Variants in NECTIN3 observed in about 807,000 individuals in gnomAD.
NECTIN3 encodes the protein nectin cell adhesion molecule 3.
In NECTIN3, 8 loss-of-function variants were observed where a neutral mutation model predicts 49.4. The ratio of observed to expected loss-of-function variants is 0.16; its 90% CI spans 0.10 to 0.29. The LOEUF is 0.29. Ranked by LOEUF, NECTIN3 falls within the 10% of genes least tolerant of loss-of-function variation. The probability of loss-of-function intolerance (pLI) is 1.00; values close to 1 mark genes in which losing one functional copy is unlikely to be tolerated. For synonymous variants in NECTIN3, 277 were observed against 241.1 expected (o/e 1.15, Z -1.38); for missense variants, 581 against 654.6 (o/e 0.89, Z 1.23).
At chr3:111,117,230 A>G (rs1052262691) in intron 2 of NECTIN3, among the ~76,000 whole-genome samples, 2 of 152,132 alleles carry the variant, frequency 1.3e-5, no homozygotes, top group Non-Finnish European at 2.9e-5. Context: ...AGTCAAAGAA[A>G]AAGTACAAAA....
chr3:111,118,129 A>C (rs1025477658), intron 2 of NECTIN3, among the ~76,000 whole-genome samples: 2 of 151,534 alleles, frequency 1.3e-5, no homozygotes, highest in African/African-American at 4.8e-5. Flanking sequence ...AAAACATTTC[A>C]TCTCCAATAG....
intron 1 of NECTIN3, among the ~76,000 whole-genome samples, chr3:111,090,012 C>A (rs1196641295): frequency 6.6e-6 from 1 of 152,140 alleles, no homozygotes; most frequent in African/African-American, 2.4e-5. Context: ...GTATCTCTAG[C>A]ATTACTTCTT....
At chr3:111,142,396 TAAAG>T (rs2034769154), downstream of NECTIN3, among the ~76,000 whole-genome samples, 4 of 151,850 alleles carry the variant, frequency 2.6e-5, no homozygotes, top group South Asian at 8.3e-4. Context: ...ATACATATGA[TAAAG>T]AATGACTGGA....
At chr3:111,072,677 A>G (rs1288310717) in intron 1 of NECTIN3, 2 of 1,159,240 alleles carry the variant, frequency 1.7e-6, no homozygotes, top group African/African-American at 3.1e-5. Flanking sequence ...ACCCAGCCGC[A>G]GAATCCCCTA....
chr3:111,114,702 T>A (rs991139235), intron 2 of NECTIN3, among the ~76,000 whole-genome samples: 5 of 152,072 alleles, frequency 3.3e-5, no homozygotes, highest in Non-Finnish European at 1.5e-5. Flanking sequence ...TATTCTAGGA[T>A]TGTGATAGTA....
intron 7 of NECTIN3, among the ~76,000 whole-genome samples, chr3:111,182,633 A>G (rs1345084026): frequency 1.3e-5 from 2 of 151,804 alleles, no homozygotes; most frequent in Non-Finnish European, 2.9e-5. Context: ...TGATATTACT[A>G]TAGCTACTCT....
At chr3:111,092,004 G>A (rs2032298699) in intron 1 of NECTIN3, among the ~76,000 whole-genome samples, 1 of 152,196 alleles carries the variant, frequency 6.6e-6, no homozygotes, top group Admixed American at 6.5e-5. Context: ...ATGAGGTGGT[G>A]TATGGTTGTT....
At chr3:111,098,592 C>G (rs2032724966) in intron 1 of NECTIN3, among the ~76,000 whole-genome samples, 1 of 152,146 alleles carries the variant, frequency 6.6e-6, no homozygotes, top group African/African-American at 2.4e-5. Context: ...TGGGATCTAC[C>G]TGGATAATCC....
intron 5 of NECTIN3, among the ~76,000 whole-genome samples, chr3:111,129,401 T>A (rs1487437696): frequency 6.6e-6 from 1 of 152,142 alleles, no homozygotes; most frequent in Non-Finnish European, 1.5e-5. Flanking sequence ...AGAACGTAAG[T>A]CTAAACATAA....
intron 6 of NECTIN3, among the ~76,000 whole-genome samples, chr3:111,145,980 C>T (rs766098914): frequency 7.4e-4 from 112 of 152,142 alleles, no homozygotes; most frequent in Non-Finnish European, 1.5e-3. Flanking sequence ...TACTTTATCT[C>T]AATGAGCCTC....
chr3:111,110,170 A>G (rs1381337340), intron 1 of NECTIN3, among the ~76,000 whole-genome samples: 4 of 151,732 alleles, frequency 2.6e-5, no homozygotes, highest in Non-Finnish European at 5.9e-5. Flanking sequence ...TTTCCTTCCT[A>G]ATATTTATCC....
In NECTIN3 at chr3:111,098,354, C is replaced by T. The variant is rs369011101; in HGVS notation, c.161-13676C>T. On this transcript the variant is annotated intron_variant, in intron 1 of 5. Transcript: ENST00000485303. ...AATATATTCTCACACAGTTCTGGAG[C>T]GCAGAAGTCTGTAATTTGTGCTGTG... Among the ~76,000 whole-genome samples, 80 of 152,310 alleles carry T rather than the reference C, an allele frequency of 5.3e-4. 1 individual carries two copies. The East Asian group carries it at 7.1e-3, about 14-fold the overall frequency.
Position 111,126,320 on chromosome 3 carries a change from G to C in NECTIN3, c.1054G>C (p.Val352Leu), listed in dbSNP as rs556409171. 6.2e-7 allele frequency: 1 copy of C among 1,605,052 alleles called. No individual in the cohort carries two copies. The highest frequency in any genetic ancestry group is 1.3e-5 in the African/African-American group (1 of 74,574). The change falls in exon 5 of 6, where the codon GTC becomes CTC. Residue 352 changes from valine (V) to leucine (L), a missense_variant. Coordinates refer to ENST00000485303, the MANE Select transcript of NECTIN3 (RefSeq NM_015480.3). The stretch of plus-strand genomic sequence containing the variant: ...CCTTGGTCAAAGAAGTGACCAAAAA[G>C]TCATCTACATTTCAGGTAAGTTACT... ...NSLGQRSDQK[V>L]IYISDPPTTT...
chr3:111,179,378 G>A (rs1459053802), intron 7 of NECTIN3, among the ~76,000 whole-genome samples: 2 of 152,160 alleles, frequency 1.3e-5, no homozygotes, highest in Non-Finnish European at 1.5e-5. Flanking sequence ...AGATATCTGT[G>A]GGGACCTCTG....
chr3:111,088,864 C>CT (rs1216861905), intron 1 of NECTIN3, among the ~76,000 whole-genome samples: 1 of 151,756 alleles, frequency 6.6e-6, no homozygotes, highest in African/African-American at 2.4e-5. Context: ...AAGTGTTCAT[C>CT]TTTTTTTTGG....
At chr3:111,173,719 G>A (rs896426235) in intron 7 of NECTIN3, among the ~76,000 whole-genome samples, 24 of 151,918 alleles carry the variant, frequency 1.6e-4, no homozygotes, top group African/African-American at 5.8e-4. Flanking sequence ...TTATCCACAC[G>A]GCTATCCTTT....
At chr3:111,193,075 A>G (rs2035841442) in intron 1 of NECTIN3, 2 of 809,746 alleles carry the variant, frequency 2.5e-6, no homozygotes, top group African/African-American at 1.7e-5. Flanking sequence ...TTGCCATTCA[A>G]TAGTTTTTGG....
chr3:111,193,335 G>A lies in NECTIN3; in HGVS notation c.63+922G>A, dbSNP rs183537281. The A allele has an allele frequency of 9.1e-6, 14 of 1,535,646 alleles. No homozygotes were observed. In the African/African-American group the frequency reaches 1.6e-4, roughly 18 times the overall value. On this transcript the variant is annotated intron_variant, in intron 1 of 1. Transcript: ENST00000485506. ...CCCTGGCAAACATCATCAAAATAAC[G>A]ACCCTAAGAGAGTCTACATCGACCC...
chr3:111,097,842 A>G (rs1045523371), intron 1 of NECTIN3, among the ~76,000 whole-genome samples: 2 of 152,178 alleles, frequency 1.3e-5, no homozygotes, highest in African/African-American at 4.8e-5. Context: ...TCTCGGGTGT[A>G]TCTTTATCAG....
Sources: gnomAD v4.1 joint callset for allele counts (sites outside exome capture counted in the v4.1 genomes callset) on GRCh38, gnomAD v4.1.1 for gene constraint, MANE v1.5 for transcripts, NCBI Gene and HGNC (gene_info 2026-07-23, HGNC 2026-07-21) for gene names.